ALG9: variants seen among roughly 807,000 people sequenced by gnomAD.
The protein encoded by ALG9 is ALG9 alpha-1,2-mannosyltransferase.
Under a neutral mutation model 81.8 loss-of-function variants are expected in ALG9, and 55 were observed. The observed-to-expected ratio is 0.67, with a 90% CI of 0.54 to 0.84. The LOEUF (loss-of-function observed/expected upper bound fraction) is 0.84. Among genes scored for constraint, ALG9 ranks in the 40% least tolerant of loss-of-function variants. The pLI is 0.00. For synonymous variants in ALG9, 278 were observed against 274.3 expected, an observed-to-expected ratio of 1.01 and a Z score of -0.13; for missense variants, 629 against 745.0, an observed-to-expected ratio of 0.84 and a Z score of 1.81.
At position 111,785,671 on chromosome 11, in the gene ALG9, G is replaced by C. The variant is rs1414677485; in HGVS notation, c.*726C>G. ...GGAGGAGTCTAGAATTCAAAAAATA[G>C]CATGCTAAAACTGAACAAAAAAGCA... On this transcript the variant is annotated 3_prime_UTR_variant, in exon 15 of 15. Transcript: ENST00000616540. The C allele has an allele frequency of 5.4e-6, 1 of 183,836 alleles. No homozygotes were observed. Among genetic ancestry groups the C allele is most frequent in the Non-Finnish European group, 1.2e-5 (1 of 86,882 alleles). 11.4% of individuals were successfully genotyped at this position (183,836 alleles called of 1,614,324 possible).
At chr11:111,794,207 T>A (rs1322035503) in intron 14 of ALG9, among the ~76,000 whole-genome samples, 1 of 152,232 alleles carries the variant, frequency 6.6e-6, no homozygotes, top group African/African-American at 2.4e-5. Flanking sequence ...CAGTCCCTGA[T>A]GTCACCAGTT....
downstream of ALG9, among the ~76,000 whole-genome samples, chr11:111,779,379 C>A (rs374440478): frequency 6.6e-5 from 10 of 152,022 alleles, no homozygotes; most frequent in East Asian, 1.7e-3. Context: ...GCGAGTATGC[C>A]TGAAATCCAT....
At chr11:111,841,518 A>G (rs1956207552) in intron 9 of ALG9, among the ~76,000 whole-genome samples, 1 of 152,236 alleles carries the variant, frequency 6.6e-6, no homozygotes, top group Non-Finnish European at 1.5e-5. Flanking sequence ...AACCTGCTGG[A>G]AAGTTCCCGT....
At chr11:111,795,483 T>C (rs150156291) in intron 14 of ALG9, among the ~76,000 whole-genome samples, 1 of 152,308 alleles carries the variant, frequency 6.6e-6, no homozygotes, top group Admixed American at 6.5e-5. Context: ...CATAATTGTA[T>C]AATGGCAATA....
intron 8 of ALG9, chr11:111,849,558 T>G (rs1459595386): frequency 2.0e-5 from 3 of 152,282 alleles, no homozygotes; most frequent in Non-Finnish European, 4.4e-5. Context: ...GGTGGTTTGC[T>G]GCACAGATCA....
At chr11:111,773,306 G>A in the ALG9 span, among the ~76,000 whole-genome samples, 1 of 152,002 alleles carries the variant, frequency 6.6e-6, no homozygotes, top group Admixed American at 6.6e-5. Flanking sequence ...GTACAATGGG[G>A]CAATCTCAGC....
chr11:111,865,159 G>A (rs975201568), intron 4 of ALG9, 22 bp downstream of exon 4: 1 of 1,525,716 alleles, frequency 6.6e-7, no homozygotes, highest in Non-Finnish European at 8.8e-7. Flanking sequence ...AGCACTTTTA[G>A]AAGCAAAGTT....
intron 14 of ALG9, among the ~76,000 whole-genome samples, chr11:111,802,776 T>A (rs1453884154): frequency 6.6e-6 from 1 of 152,228 alleles, no homozygotes; most frequent in Non-Finnish European, 1.5e-5. Context: ...TGGCCCCGTT[T>A]AAGGCTCCAA....
intron 14 of ALG9, among the ~76,000 whole-genome samples, chr11:111,807,627 C>A (rs1307158442): frequency 6.6e-6 from 1 of 152,158 alleles, no homozygotes; most frequent in Non-Finnish European, 1.5e-5. Context: ...GGAGAAAGAT[C>A]TTTGTTTTAT....
At chr11:111,818,949 T>C (rs1392039962) in intron 13 of ALG9, among the ~76,000 whole-genome samples, 3 of 152,126 alleles carry the variant, frequency 2.0e-5, no homozygotes, top group Admixed American at 2.0e-4. Context: ...CCCGTAGCAC[T>C]GGGCAGAAGA....
rs184092499 is a variant in ALG9 at position 111,836,612 on chromosome 11, T to C, written c.1473-318A>G. ...ATTACTATGTGGGCAGAGAGACTTA[T>C]CAAATAAAGCAAATTATCAGGTGTA... On this transcript the variant is annotated intron_variant, in intron 12 of 14. Transcript: ENST00000616540. 239 of 356,700 alleles carry C rather than the reference T, an allele frequency of 6.7e-4. 1 individual carries two copies. The highest frequency in any genetic ancestry group is 1.2e-3 in the Non-Finnish European group (217 of 185,986). 22.1% of individuals were successfully genotyped at this position (356,700 alleles called of 1,614,324 possible). A position where few individuals can be genotyped will look rare whatever the true frequency, so the allele number is the denominator to read the frequency against.
intron 13 of ALG9, among the ~76,000 whole-genome samples, chr11:111,824,753 T>G (rs1412093808): frequency 4.6e-5 from 7 of 152,212 alleles, no homozygotes; most frequent in African/African-American, 1.2e-4. Flanking sequence ...TCACAGTTAT[T>G]TTCATCACCC....
At chr11:111,788,374 T>G in intron 14 of ALG9, 1 of 453,768 alleles carries the variant, frequency 2.2e-6, no homozygotes, top group Non-Finnish European at 4.4e-6. Context: ...AAAGGAGGTT[T>G]GGAGAAGAGA....
intron 4 of ALG9, chr11:111,864,180 C>A: frequency 6.8e-6 from 4 of 584,592 alleles, no homozygotes; most frequent in East Asian, 3.0e-5. Flanking sequence ...TAAATAAAAG[C>A]AAGAAGTTTT....
chr11:111,832,468 T>G (rs11214013), intron 13 of ALG9, among the ~76,000 whole-genome samples: 136,054 of 151,914 alleles, frequency 0.9, 61,237 homozygotes, highest in East Asian at 1. Context: ...TTGTAGAGAC[T>G]GAATCTCGCT....
At chr11:111,780,775 G>C (rs574214481), downstream of ALG9, among the ~76,000 whole-genome samples, 5 of 152,020 alleles carry the variant, frequency 3.3e-5, no homozygotes, top group Non-Finnish European at 7.4e-5. Flanking sequence ...GTCTCTTTTT[G>C]CTTTTCTTTC....
rs962869651 is a variant in ALG9, at chr11:111,783,076, T to C, written c.*3321A>G. 15 of 152,224 alleles carry C rather than the reference T, an allele frequency of 9.9e-5. No individual in the cohort carries two copies. The highest frequency in any genetic ancestry group is 2.7e-4 in the African/African-American group (11 of 41,438). 9.4% of individuals were successfully genotyped at this position (152,224 alleles called of 1,614,324 possible). A position where few individuals can be genotyped will look rare whatever the true frequency, so the allele number is the denominator to read the frequency against. On this transcript the variant is annotated 3_prime_UTR_variant, in exon 15 of 15. Coordinates refer to ENST00000616540, the MANE Select transcript of ALG9 (RefSeq NM_024740.2). ...GCATCACAAGATTTGGGGATTCAGA[T>C]AAGGCTGCTTTAGAGCTAGAAATCA... is the stretch of plus-strand genomic sequence containing the variant.
intron 4 of ALG9, among the ~76,000 whole-genome samples, chr11:111,862,239 C>CTTTT (rs782528613): frequency 7.6e-6 from 1 of 131,388 alleles, no homozygotes; most frequent in Non-Finnish European, 1.6e-5. Context: ...TCTTTTTTTT[C>CTTTT]TTTTTTTTTT....
intron 14 of ALG9, among the ~76,000 whole-genome samples, chr11:111,788,868 T>C (rs1003191240): frequency 1.3e-5 from 2 of 152,208 alleles, no homozygotes; most frequent in African/African-American, 2.4e-5. Context: ...AAAGAAAGTA[T>C]AAAACTAACA....
Sources: gnomAD v4.1 joint callset for allele counts (sites outside exome capture counted in the v4.1 genomes callset) on GRCh38, gnomAD v4.1.1 for gene constraint, MANE v1.5 for transcripts, NCBI Gene and HGNC (gene_info 2026-07-23, HGNC 2026-07-21) for gene names.